Variants in KIF9 observed in about 807,000 individuals in gnomAD.
KIF9 encodes the protein kinesin family member 9, also known as kinesin-like protein KIF9.
A neutral mutation model predicts 94.8 loss-of-function variants in KIF9; 68 were observed. The ratio of observed to expected loss-of-function variants is 0.72; its 90% CI spans 0.59 to 0.88. The LOEUF (loss-of-function observed/expected upper bound fraction) is 0.88, where lower values mean the gene tolerates loss of function less well. Among genes scored for constraint, KIF9 ranks in the 40% least tolerant of loss-of-function variants. KIF9 has a pLI of 0.00. For synonymous variants in KIF9, 343 were observed against 362.1 expected (o/e 0.95, Z 0.60); for missense variants, 882 against 982.5 (o/e 0.90, Z 1.37).
At position 47,276,635 on chromosome 3, in the gene KIF9, C is replaced by T. The variant is rs149044263; in HGVS notation, c.93+647G>A. ...ATTAAATGCTCTGTGCTTCTGTGTT[C>T]GCTGAAAACCATGTCCAGCAGGACA... is the stretch of plus-strand genomic sequence containing the variant. On this transcript the variant is annotated intron_variant, in intron 2 of 20. Transcript: ENST00000684063. Among the ~76,000 whole-genome samples, 9 of 151,956 alleles carry T rather than the reference C, an allele frequency of 5.9e-5. No individual in the cohort carries two copies. The East Asian group carries it at 1.7e-3, about 29-fold the overall frequency.
chr3:47,246,179 G>A lies in KIF9; in HGVS notation c.1289+18C>T. Reference sequence around the variant, plus strand: ...GGCAGCCTGATGTAGGAATGAGGTAGGGGTGGGGGTCTCTCACCTCAGAAC... The same window carrying A: ...GGCAGCCTGATGTAGGAATGAGGTAAGGGTGGGGGTCTCTCACCTCAGAAC... On this transcript the variant is annotated intron_variant, in intron 13 of 20. Transcript: ENST00000684063. 5 of 1,608,306 alleles carry A rather than the reference G, an allele frequency of 3.1e-6. No individual in the cohort carries two copies. The highest frequency in any genetic ancestry group is 4.3e-6 in the Non-Finnish European group (5 of 1,175,392).
chr3:47,256,402 G>T (rs1207859145), intron 10 of KIF9, among the ~76,000 whole-genome samples: 1 of 151,472 alleles, frequency 6.6e-6, no homozygotes, highest in Admixed American at 6.6e-5. Flanking sequence ...GAGCCCCTCC[G>T]CCCGGCAGCC....
At chr3:47,243,743 C>G (rs1233346772) in intron 15 of KIF9, 1 of 152,564 alleles carries the variant, frequency 6.6e-6, no homozygotes, top group Non-Finnish European at 1.5e-5. Flanking sequence ...GCTGTCCTCC[C>G]TGCTGAAGTG....
chr3:47,280,772 C>T (rs1231347851), intron 1 of KIF9, among the ~76,000 whole-genome samples: 4 of 152,198 alleles, frequency 2.6e-5, no homozygotes, highest in African/African-American at 7.2e-5. Flanking sequence ...CACATGCACA[C>T]GCAGTCACCC....
chr3:47,247,252 C>T (rs1699983674), intron 12 of KIF9, 121 bp downstream of exon 12: 2 of 674,292 alleles, frequency 3.0e-6, no homozygotes, highest in Non-Finnish European at 5.5e-6. Context: ...TCCAGCACCA[C>T]CCTCCACCCA....
chr3:47,239,859 C>T (rs1225538641), intron 17 of KIF9: 1 of 1,367,762 alleles, frequency 7.3e-7, no homozygotes, highest in Non-Finnish European at 9.8e-7. Context: ...GGAAGCTGGC[C>T]TGGAACAGGG....
At chr3:47,258,730 C>T (rs1358372288) in intron 9 of KIF9, among the ~76,000 whole-genome samples, 1 of 152,180 alleles carries the variant, frequency 6.6e-6, no homozygotes, top group Non-Finnish European at 1.5e-5. Flanking sequence ...TGAGTAAAAG[C>T]TCCCTGAGGC....
intron 12 of KIF9, among the ~76,000 whole-genome samples, chr3:47,247,090 C>T (rs955313814): frequency 2.0e-5 from 3 of 152,210 alleles, no homozygotes; most frequent in African/African-American, 7.2e-5. Flanking sequence ...CCCCACTAGG[C>T]AGGTGAGGCC....
intron 5 of KIF9, among the ~76,000 whole-genome samples, chr3:47,269,869 G>A (rs1168503926): frequency 4.1e-5 from 6 of 147,114 alleles, no homozygotes; most frequent in African/African-American, 1.0e-4. Context: ...TCTGCCTCCC[G>A]GGTTCAAGCT....
chr3:47,244,722 T>C, intron 15 of KIF9, 69 bp downstream of exon 15: 1 of 1,575,830 alleles, frequency 6.3e-7, no homozygotes, highest in Non-Finnish European at 8.7e-7. Flanking sequence ...GTGGGAACAG[T>C]GCACATCCTC....
At chr3:47,262,024 T>C (rs1701006480) in intron 9 of KIF9, among the ~76,000 whole-genome samples, 1 of 152,216 alleles carries the variant, frequency 6.6e-6, no homozygotes, top group Admixed American at 6.5e-5. Context: ...CCCAAACCCC[T>C]GAGACCCCTC....
At chr3:47,238,407 C>CG (rs762439722) in intron 17 of KIF9, 12 of 152,078 alleles carry the variant, frequency 7.9e-5, no homozygotes, top group Middle Eastern at 3.4e-3. Flanking sequence ...TTTGTAGAGA[C>CG]GGGGTCTCAC....
chr3:47,261,168 G>C (rs554709595), intron 9 of KIF9, among the ~76,000 whole-genome samples: 1 of 152,362 alleles, frequency 6.6e-6, no homozygotes, highest in East Asian at 1.9e-4. Flanking sequence ...ATGTGTGTGT[G>C]TGTGCTGACT....
chr3:47,264,126 G>A (rs1348692920), intron 9 of KIF9, 160 bp downstream of exon 9: 13 of 628,716 alleles, frequency 2.1e-5, no homozygotes, highest in Non-Finnish European at 3.8e-5. Flanking sequence ...TCCTAGCTCT[G>A]GGCCCCCTCA....
chr3:47,254,484 G>A (rs147816562), intron 10 of KIF9, among the ~76,000 whole-genome samples: 2 of 152,214 alleles, frequency 1.3e-5, no homozygotes, highest in East Asian at 3.9e-4. Flanking sequence ...GGTAGCATGT[G>A]CCTGTAATCC....
chr3:47,275,554 A>G, intron 2 of KIF9, 64 bp from the exon 3 acceptor site: 1 of 1,300,992 alleles, frequency 7.7e-7, no homozygotes, highest in Non-Finnish European at 1.1e-6. Flanking sequence ...AAAAAAAATC[A>G]CTGATAGCTG....
At chr3:47,248,929 T>C (rs1259415446) in intron 10 of KIF9, among the ~76,000 whole-genome samples, 2 of 151,706 alleles carry the variant, frequency 1.3e-5, no homozygotes, top group Admixed American at 1.3e-4. Context: ...GAGACAGGGG[T>C]CCTACTATGT....
chr3:47,243,118 C>G lies in KIF9; in HGVS notation c.1642G>C (p.Asp548His). ...GGCTCAATGCTGGAAGTTTCCCGGT[C>G]CCGCGAAAGCATGTCTTTGACATCC... ...DGDVKDMLSRDRETSSIEPLP... is the reference protein window; with the variant it reads ...DGDVKDMLSRHRETSSIEPLP... Residue 548 changes from aspartate to histidine, a missense_variant, in exon 16 of 21, where the codon GAC becomes CAC. By Grantham distance (81) the Asp-to-His change is moderately conservative (BLOSUM62 -1). Transcript: ENST00000684063. The G allele has an allele frequency of 6.2e-7, 1 of 1,613,800 alleles. No homozygotes were observed. The highest frequency in any genetic ancestry group is 1.1e-5 in the South Asian group (1 of 91,044).
At chr3:47,271,495 C>G in intron 4 of KIF9, 34 bp from the exon 5 acceptor site, 1 of 1,551,578 alleles carries the variant, frequency 6.4e-7, no homozygotes, top group Non-Finnish European at 8.9e-7. Flanking sequence ...TCACCAAGAG[C>G]AGAACCCCAA....
Sources: gnomAD v4.1 joint callset for allele counts (sites outside exome capture counted in the v4.1 genomes callset) on GRCh38, gnomAD v4.1.1 for gene constraint, MANE v1.5 for transcripts, NCBI Gene and HGNC (gene_info 2026-07-23, HGNC 2026-07-21) for gene names.